Variants in AGAP3 observed in about 807,000 individuals in gnomAD.
The protein encoded by AGAP3 is arf-GAP with GTPase, ANK repeat and PH domain-containing protein 3.
In AGAP3, 24 loss-of-function variants were observed where a neutral mutation model predicts 96.9. The observed-to-expected ratio is 0.25, with a 90% CI of 0.18 to 0.35. The LOEUF is 0.35. Ranked by LOEUF, AGAP3 falls within the 10% of genes least tolerant of loss-of-function variation. The pLI, the probability that AGAP3 is intolerant of heterozygous loss-of-function variation, is 1.00. For synonymous variants in AGAP3, 563 were observed against 536.1 expected (o/e 1.05, Z -0.69); for missense variants, 876 against 1,254.2 (o/e 0.70, Z 4.55).
intron 1 of AGAP3, among the ~76,000 whole-genome samples, chr7:151,101,934 G>A (rs1005665261): frequency 2.4e-4 from 36 of 152,294 alleles, no homozygotes; most frequent in African/African-American, 8.2e-4. Flanking sequence ...GGCTGGCAGA[G>A]GTGAGTTCTG....
At position 151,133,049 on chromosome 7, in the gene AGAP3, G is replaced by A. The variant is rs1336711540; in HGVS notation, c.1327-1351G>A. 1.3e-5 allele frequency among the ~76,000 whole-genome samples: 2 copies of A among 152,204 alleles called. No homozygotes were observed. The highest frequency in any genetic ancestry group is 2.9e-5 in the Non-Finnish European group (2 of 68,026). On this transcript the variant is annotated intron_variant, in intron 10 of 17. Transcript: ENST00000397238. This position sits in a 1 kb window ranked among gnomAD's most constrained non-coding sequence, Gnocchi z 5.4. Reference sequence around the variant, plus strand: ...AGGGTAGGAGGAGCGCGTCTGGGAAGGCTCGTCGCACGGCCGCCCTTAGGA... The same window carrying A: ...AGGGTAGGAGGAGCGCGTCTGGGAAAGCTCGTCGCACGGCCGCCCTTAGGA...
At chr7:151,113,482 C>T (rs1014453233) in intron 1 of AGAP3, among the ~76,000 whole-genome samples, 2 of 152,212 alleles carry the variant, frequency 1.3e-5, no homozygotes, top group Non-Finnish European at 2.9e-5. Context: ...CCACTCAGCC[C>T]CTCAGGAATG....
chr7:151,114,590 C>A lies in AGAP3; in HGVS notation c.332-2203C>A. 4.0e-6 allele frequency: 2 copies of A among 494,580 alleles called. No homozygotes were observed. The highest frequency in any genetic ancestry group is 5.3e-6 in the Non-Finnish European group (2 of 379,804). 30.6% of individuals were successfully genotyped at this position (494,580 alleles called of 1,614,324 possible). On this transcript the variant is annotated intron_variant, in intron 1 of 17. Coordinates refer to ENST00000397238, the MANE Select transcript of AGAP3 (RefSeq NM_031946.7). The surrounding 1 kb of genome is among the most constrained non-coding windows in gnomAD (Gnocchi z 4.4). ...TTGCCGCCTCTCTCTCCGGGCTGGG[C>A]TGACTCCCGGCCTCTCCAGGTCTGG...
At chr7:151,120,181 T>C (rs1799809452) in intron 8 of AGAP3, 36 bp downstream of exon 8, 2 of 1,563,738 alleles carry the variant, frequency 1.3e-6, no homozygotes, top group South Asian at 2.4e-5. Context: ...CCAGCTGCCT[T>C]TGCTGCACAG....
intron 8 of AGAP3, chr7:151,120,439 G>A: frequency 4.5e-6 from 3 of 670,820 alleles, no homozygotes; most frequent in Non-Finnish European, 8.1e-6. Flanking sequence ...TCTCTCCTAG[G>A]CCCCTTTAGG....
chr7:151,125,542 T>A (rs2150500360), intron 9 of AGAP3, among the ~76,000 whole-genome samples: 1 of 152,320 alleles, frequency 6.6e-6, no homozygotes, highest in East Asian at 1.9e-4. Flanking sequence ...CTGTGCCTGA[T>A]GCAGTGACAC....
chr7:151,129,946 C>T (rs1173641430), intron 10 of AGAP3, among the ~76,000 whole-genome samples: 1 of 152,224 alleles, frequency 6.6e-6, no homozygotes, highest in East Asian at 1.9e-4. Context: ...GGGCCACTCA[C>T]AGACAGGAAG....
intron 1 of AGAP3, among the ~76,000 whole-genome samples, chr7:151,097,138 G>T (rs1156318755): frequency 6.6e-6 from 1 of 152,050 alleles, no homozygotes. Context: ...TTAAAAGTGA[G>T]ATTAATTTTA....
intron 11 of AGAP3, 96 bp downstream of exon 11, chr7:151,134,664 A>G: frequency 7.8e-7 from 1 of 1,287,422 alleles, no homozygotes; most frequent in Non-Finnish European, 1.1e-6. Context: ...GCCTGGGCAC[A>G]GGGTGCTGGC....
intron 9 of AGAP3, among the ~76,000 whole-genome samples, chr7:151,125,380 C>T (rs948116977): frequency 6.6e-6 from 1 of 152,200 alleles, no homozygotes; most frequent in African/African-American, 2.4e-5. Flanking sequence ...GGAGGAAGCC[C>T]TGTGAACTTG....
chr7:151,134,172 C>A (rs986164892), intron 10 of AGAP3, among the ~76,000 whole-genome samples: 1 of 152,170 alleles, frequency 6.6e-6, no homozygotes, highest in African/African-American at 2.4e-5. Flanking sequence ...TTCGCCGCCC[C>A]CAACTCTACC....
In AGAP3 at chr7:151,118,737, C is replaced by T. The variant is rs1017943758; in HGVS notation, c.969+105C>T. The T allele has an allele frequency of 1.1e-5, 15 of 1,409,542 alleles. No individual in the cohort carries two copies. The South Asian group carries it at 1.2e-4, about 12-fold the overall frequency. The allele number at this position is 1,409,542 out of a possible 1,614,324, so 87.3% of individuals were successfully genotyped here. On this transcript the variant is annotated intron_variant, in intron 7 of 17. Transcript: ENST00000397238. The surrounding 1 kb of genome is among the most constrained non-coding windows in gnomAD (Gnocchi z 6.1). ...CCTCCTGCTCACACCTGTCCACCTT[C>T]CTCTGGCCTCCCAGCCTTGCATGTT...
chr7:151,094,677 C>CTTTTACT (rs1271371570), intron 1 of AGAP3, among the ~76,000 whole-genome samples: 2 of 152,074 alleles, frequency 1.3e-5, no homozygotes, highest in East Asian at 3.9e-4. Context: ...GTTTGTTCCT[C>CTTTTACT]TTTTTCTTTT....
chr7:151,128,237 C>T (rs1800259588), intron 9 of AGAP3: 3 of 272,634 alleles, frequency 1.1e-5, no homozygotes, highest in South Asian at 1.1e-4. Context: ...CGTCTATACC[C>T]CTGACTGTCT....
rs1468623174 is a variant in AGAP3, at chr7:151,086,874, G to A, written c.133G>A (p.Gly45Ser). 8.1e-7 allele frequency: 1 copy of A among 1,234,334 alleles called. No individual in the cohort carries two copies. The highest frequency in any genetic ancestry group is 3.4e-5 in the East Asian group (1 of 29,748). 76.5% of individuals were successfully genotyped at this position (1,234,334 alleles called of 1,614,324 possible). A position where few individuals can be genotyped will look rare whatever the true frequency, so the allele number is the denominator to read the frequency against. The change falls in exon 1 of 18, where the codon GGC becomes AGC. Residue 45 changes from glycine (G) to serine (S), a missense_variant. Gly to Ser is a moderately conservative substitution (Grantham distance 56, BLOSUM62 0). Around this residue, in one of 8 missense-constraint regions of AGAP3, gnomAD observed 62 missense variants for 82.8 expected, o/e 0.75. Transcript: ENST00000397238. The stretch of plus-strand genomic sequence containing the variant: ...CGGCGGCGCGGGGCCCGGGGCCGGG[G>A]GCGGCGGCGGCCCCTCGCAGCAGCT... ...QFGGAGPGAG[G>S]GGGPSQQLAG... is the part of the protein sequence containing the mutation.
At chr7:151,123,767 T>G (rs1435154864) in intron 8 of AGAP3, 27 bp from the exon 9 acceptor site, 3 of 1,612,596 alleles carry the variant, frequency 1.9e-6, no homozygotes, top group Admixed American at 3.3e-5. Flanking sequence ...TGGGCCTCTT[T>G]AACACGCCTC....
rs1585039950 is a variant in AGAP3 at position 151,096,707 on chromosome 7, C to T, written c.331+9635C>T. Among the ~76,000 whole-genome samples the T allele has an allele frequency of 6.6e-6, 1 of 152,068 alleles. No individual in the cohort carries two copies. The highest frequency in any genetic ancestry group is 2.1e-4 in the South Asian group (1 of 4,818). On this transcript the variant is annotated intron_variant, in intron 1 of 17. Coordinates refer to ENST00000397238, the MANE Select transcript of AGAP3 (RefSeq NM_031946.7). This position sits in a 1 kb window ranked among gnomAD's most constrained non-coding sequence, Gnocchi z 4.4. ...CAAGGTAGTCTCGATCTCCTGACCTCGTGATCCACCCGCCTCAGCCTCCTA... is the reference window on the plus strand; with the variant it reads ...CAAGGTAGTCTCGATCTCCTGACCTTGTGATCCACCCGCCTCAGCCTCCTA...
rs1800828468 is a variant in AGAP3 at position 151,141,908 on chromosome 7, G to A, written c.1815G>A (p.Glu605=). 1 of 1,614,066 alleles carries A rather than the reference G, an allele frequency of 6.2e-7. No homozygotes were observed. The highest frequency in any genetic ancestry group is 1.3e-5 in the African/African-American group (1 of 74,920). Residue 605 remains glutamate (E), a synonymous_variant, in exon 14 of 18, where the codon GAG becomes GAA. Coordinates refer to ENST00000397238, the MANE Select transcript of AGAP3 (RefSeq NM_031946.7). This position sits in a 1 kb window ranked among gnomAD's most constrained non-coding sequence, Gnocchi z 4.2. ...GPSSATEEAE[E]SFEFVVVSLT... ...ACACCCCCCCAACAGAGGCAGAGGA[G>A]TCGTTTGAATTTGTGGTGGTGTCCC...
intron 1 of AGAP3, among the ~76,000 whole-genome samples, chr7:151,099,098 C>T (rs1399615154): frequency 6.6e-6 from 1 of 151,894 alleles, no homozygotes; most frequent in African/African-American, 2.4e-5. Flanking sequence ...AACCCCAGCA[C>T]TTTGGGAGGC....
Sources: allele counts gnomAD v4.1 joint callset (sites outside exome capture counted in the v4.1 genomes callset), GRCh38; gene constraint gnomAD v4.1.1; regional missense constraint gnomAD v4.1.1; non-coding constraint Gnocchi (gnomAD v3.1); transcripts MANE v1.5; gene names NCBI Gene and HGNC (gene_info 2026-07-23, HGNC 2026-07-21).